The following S100Z variants were observed in gnomAD, a reference collection of about 807,000 sequenced individuals.
S100Z encodes protein S100-Z.
S100Z carries 11 observed loss-of-function variants against 8.5 expected under a neutral mutation model. That is an observed-to-expected ratio of 1.30 (90% CI 0.82 to 2.15). The LOEUF (loss-of-function observed/expected upper bound fraction) is 2.15. Among genes scored for constraint, S100Z ranks in the 30% most tolerant of loss-of-function variants. The probability of loss-of-function intolerance (pLI) is 0.00; values close to 1 mark genes in which losing one functional copy is unlikely to be tolerated. For missense variants in S100Z, 126 were observed against 117.9 expected (o/e 1.07, Z -0.32); for synonymous variants, 34 against 43.8 (o/e 0.78, Z 0.89).
intron 1 of S100Z, among the ~76,000 whole-genome samples, chr5:76,856,252 C>A (rs2150619938): frequency 6.6e-6 from 1 of 152,282 alleles, no homozygotes; most frequent in South Asian, 2.1e-4. Context: ...AGTGCAGTGG[C>A]ATGATATTGG....
chr5:76,885,137 C>T lies in S100Z; in HGVS notation c.*2+7303C>T, dbSNP rs147742367. The stretch of plus-strand genomic sequence containing the variant: ...AGCAGTATTGCAGAAGAAAATAAGG[C>T]GTTTAAGTTTTAGGTCAGGCGAGAG... On this transcript the variant is annotated intron_variant, in intron 4 of 4. Coordinates refer to ENST00000317593, the MANE Select transcript of S100Z (RefSeq NM_130772.4). 4.9e-3 allele frequency among the ~76,000 whole-genome samples: 741 copies of T among 152,150 alleles called. 11 individuals are homozygous for T. Among genetic ancestry groups the T allele is most frequent in the South Asian group, 0.04 (194 of 4,818 alleles).
the S100Z span, among the ~76,000 whole-genome samples, chr5:76,942,932 G>C: frequency 1.3e-5 from 2 of 152,226 alleles, no homozygotes; most frequent in Non-Finnish European, 2.9e-5. Flanking sequence ...CCAAAACTTA[G>C]TGGCTTAAAA....
chr5:76,868,771 A>G (rs767030097), intron 1 of S100Z, among the ~76,000 whole-genome samples: 3 of 151,960 alleles, frequency 2.0e-5, no homozygotes, highest in Admixed American at 1.3e-4. Context: ...CTACAGGCGC[A>G]TGCCACCACA....
intron 4 of S100Z, among the ~76,000 whole-genome samples, chr5:76,909,424 A>G (rs545226495): frequency 1.3e-5 from 2 of 152,204 alleles, no homozygotes; most frequent in South Asian, 4.1e-4. Flanking sequence ...CTGCAGCTTG[A>G]CCTTTTCTGT....
chr5:76,901,722 G>T (rs1415109319), intron 4 of S100Z, among the ~76,000 whole-genome samples: 1 of 152,146 alleles, frequency 6.6e-6, no homozygotes, highest in Admixed American at 6.5e-5. Flanking sequence ...ATTCCCCTGT[G>T]GCTGTGCAAG....
chr5:76,928,644 GA>G, the S100Z span, among the ~76,000 whole-genome samples: 1 of 152,228 alleles, frequency 6.6e-6, no homozygotes, highest in Non-Finnish European at 1.5e-5. Flanking sequence ...GTAAAAAACA[GA>G]AGGTCTTTTC....
downstream of S100Z, among the ~76,000 whole-genome samples, chr5:76,925,184 A>G (rs1745116996): frequency 6.6e-6 from 1 of 152,120 alleles, no homozygotes; most frequent in Non-Finnish European, 1.5e-5. Context: ...GAAGGGAGAG[A>G]GAAGTCACAG....
intron 4 of S100Z, among the ~76,000 whole-genome samples, chr5:76,916,182 A>G (rs1744849611): frequency 6.7e-6 from 1 of 150,290 alleles, no homozygotes; most frequent in African/African-American, 2.5e-5. Flanking sequence ...AAAAAAAATT[A>G]CCAGAGATGG....
chr5:76,905,664 G>A (rs1744399802), intron 4 of S100Z, among the ~76,000 whole-genome samples: 1 of 152,012 alleles, frequency 6.6e-6, no homozygotes. Flanking sequence ...TGCCTACCTC[G>A]GCTTCCCAAG....
chr5:76,866,445 T>C (rs1742737912), intron 1 of S100Z, among the ~76,000 whole-genome samples: 1 of 152,198 alleles, frequency 6.6e-6, no homozygotes, highest in Admixed American at 6.5e-5. Flanking sequence ...ATGAAGGCTA[T>C]AGCAGTGTAT....
chr5:76,913,173 T>G (rs1261559755), intron 4 of S100Z, among the ~76,000 whole-genome samples: 1 of 152,218 alleles, frequency 6.6e-6, no homozygotes, highest in African/African-American at 2.4e-5. Flanking sequence ...CTGAAAGCAC[T>G]GAGGCCACTG....
chr5:76,940,958 T>C, the S100Z span, among the ~76,000 whole-genome samples: 1 of 152,030 alleles, frequency 6.6e-6, no homozygotes, highest in East Asian at 1.9e-4. Flanking sequence ...ATTTGTCTGT[T>C]TTACTCATGA....
intron 1 of S100Z, among the ~76,000 whole-genome samples, chr5:76,867,430 G>T (rs1742798577): frequency 6.6e-6 from 1 of 152,054 alleles, no homozygotes; most frequent in African/African-American, 2.4e-5. Flanking sequence ...GTCTAAGGAG[G>T]GTGTCTGCCT....
chr5:76,886,520 G>A (rs183794736), intron 4 of S100Z, among the ~76,000 whole-genome samples: 2 of 152,308 alleles, frequency 1.3e-5, no homozygotes, highest in East Asian at 3.9e-4. Flanking sequence ...TCTCTTCATG[G>A]AGTGAGGGCA....
At chr5:76,892,627 A>G (rs971061350) in intron 4 of S100Z, among the ~76,000 whole-genome samples, 1 of 152,102 alleles carries the variant, frequency 6.6e-6, no homozygotes, top group Non-Finnish European at 1.5e-5. Context: ...TAAAGAGGAA[A>G]GAGTGGGCAG....
At chr5:76,928,810 G>T in the S100Z span, among the ~76,000 whole-genome samples, 1 of 152,326 alleles carries the variant, frequency 6.6e-6, no homozygotes, top group African/African-American at 2.4e-5. Context: ...CACAATCACG[G>T]CACATTACAG....
At chr5:76,876,475 T>C (rs1233140598) in intron 3 of S100Z, among the ~76,000 whole-genome samples, 1 of 151,956 alleles carries the variant, frequency 6.6e-6, no homozygotes, top group Admixed American at 6.6e-5. Flanking sequence ...TTCGAGTGAT[T>C]CTTGTGCCTC....
At chr5:76,870,813 G>A (rs570974006) in intron 2 of S100Z, among the ~76,000 whole-genome samples, 3 of 152,084 alleles carry the variant, frequency 2.0e-5, no homozygotes, top group Non-Finnish European at 4.4e-5. Flanking sequence ...GCTGGAGAGG[G>A]GAAAGTGCTT....
At chr5:76,930,842 A>G in the S100Z span, among the ~76,000 whole-genome samples, 1 of 152,128 alleles carries the variant, frequency 6.6e-6, no homozygotes, top group Non-Finnish European at 1.5e-5. Context: ...GATTTCCTGG[A>G]ATATTACCCA....
Sources: allele counts gnomAD v4.1 joint callset (sites outside exome capture counted in the v4.1 genomes callset), GRCh38; gene constraint gnomAD v4.1.1; transcripts MANE v1.5; gene names NCBI Gene and HGNC (gene_info 2026-07-23, HGNC 2026-07-21).